Variants in FOXP1 observed in about 807,000 individuals in gnomAD.
FOXP1 encodes forkhead box protein P1.
A neutral mutation model predicts 98.2 loss-of-function variants in FOXP1; 15 were observed. The observed-to-expected ratio is 0.15, with a 90% confidence interval of 0.10 to 0.24. The LOEUF is 0.24. Among genes scored for constraint, FOXP1 ranks in the 10% least tolerant of loss-of-function variants. The pLI is 1.00. For synonymous variants in FOXP1, 371 were observed against 314.5 expected (o/e 1.18, Z -1.90); for missense variants, 633 against 848.5 (o/e 0.75, Z 3.15).
At chr3:71,352,228 G>T (rs192319800) in intron 4 of FOXP1, among the ~76,000 whole-genome samples, 213 of 152,228 alleles carry the variant, frequency 1.4e-3, no homozygotes, top group African/African-American at 5.0e-3. Flanking sequence ...CACTTTGGGA[G>T]GCTGAAGGGG....
intron 3 of FOXP1, among the ~76,000 whole-genome samples, chr3:71,435,919 G>A (rs1274152698): frequency 2.1e-4 from 15 of 72,654 alleles, no homozygotes; most frequent in African/African-American, 8.1e-4. Context: ...GAGGGAGGGA[G>A]GAAGGGACGG....
chr3:70,959,334 C>T lies in FOXP1; in HGVS notation c.1947G>A (p.Leu649=), dbSNP rs2032628863. The T allele has an allele frequency of 1.2e-6, 2 of 1,614,102 alleles. No homozygotes were observed. Among genetic ancestry groups the T allele is most frequent in the Non-Finnish European group, 1.7e-6 (2 of 1,180,022 alleles). The change falls in exon 21 of 21, where the codon CTG becomes CTA. Residue 649 remains leucine, a synonymous_variant. Coordinates refer to ENST00000649528, the MANE Select transcript of FOXP1 (RefSeq NM_001349338.3). ...PLDPEEAEGP[L]SLVTTANHSP... Reference sequence around the variant, plus strand: ...TGTGGTTGGCTGTTGTCACTAAGGACAGGGGCCCTTCAGCTTCCTCTGGAT... The same window carrying T: ...TGTGGTTGGCTGTTGTCACTAAGGATAGGGGCCCTTCAGCTTCCTCTGGAT...
At chr3:70,986,162 T>C (rs2039697421) in intron 14 of FOXP1, among the ~76,000 whole-genome samples, 1 of 152,168 alleles carries the variant, frequency 6.6e-6, no homozygotes, top group South Asian at 2.1e-4. Context: ...CCTGTTCACT[T>C]CCCCCCATGC....
chr3:71,434,842 G>A (rs1478910130), intron 3 of FOXP1, among the ~76,000 whole-genome samples: 2 of 152,014 alleles, frequency 1.3e-5, no homozygotes, highest in Non-Finnish European at 2.9e-5. Flanking sequence ...ATACACACAT[G>A]CCTGCACACA....
At chr3:71,357,922 T>C (rs539022424) in intron 4 of FOXP1, among the ~76,000 whole-genome samples, 33 of 152,236 alleles carry the variant, frequency 2.2e-4, no homozygotes, top group African/African-American at 7.9e-4. Flanking sequence ...TGAAAACATA[T>C]CTAAAGATGA....
chr3:71,124,678 A>G (rs1271727592), intron 6 of FOXP1, among the ~76,000 whole-genome samples: 2 of 151,818 alleles, frequency 1.3e-5, no homozygotes, highest in Non-Finnish European at 2.9e-5. Context: ...GAAACATAAG[A>G]CCAGAGAGGA....
chr3:71,352,009 A>G (rs576116574), intron 4 of FOXP1, among the ~76,000 whole-genome samples: 1 of 152,298 alleles, frequency 6.6e-6, no homozygotes, highest in East Asian at 1.9e-4. Flanking sequence ...GCATTTGAAG[A>G]AGTCTAGTAA....
chr3:71,366,597 T>G (rs764459998), intron 3 of FOXP1, among the ~76,000 whole-genome samples: 59 of 152,190 alleles, frequency 3.9e-4, no homozygotes, highest in Admixed American at 5.2e-4. Context: ...CCAAGTAATA[T>G]CCAAAATACC....
At chr3:71,002,706 C>A (rs897028451) in intron 12 of FOXP1, among the ~76,000 whole-genome samples, 2 of 152,144 alleles carry the variant, frequency 1.3e-5, no homozygotes, top group African/African-American at 4.8e-5. Context: ...AAAGAGCCCA[C>A]GATCCTCAAA....
chr3:71,312,218 G>A (rs980022806), intron 4 of FOXP1, among the ~76,000 whole-genome samples: 6 of 152,146 alleles, frequency 3.9e-5, no homozygotes, highest in African/African-American at 1.2e-4. Context: ...AAACAAGAAC[G>A]GCTGAACAAG....
At chr3:71,394,910 G>C (rs576566838) in intron 3 of FOXP1, among the ~76,000 whole-genome samples, 1 of 152,128 alleles carries the variant, frequency 6.6e-6, no homozygotes, top group African/African-American at 2.4e-5. Flanking sequence ...AGACCAGCCT[G>C]ACCAACATGG....
chr3:70,973,050 A>C (rs944028258), intron 17 of FOXP1, among the ~76,000 whole-genome samples: 2 of 152,172 alleles, frequency 1.3e-5, no homozygotes, highest in Non-Finnish European at 2.9e-5. Flanking sequence ...CTCCCATAAA[A>C]AGGGGGTATT....
intron 13 of FOXP1, among the ~76,000 whole-genome samples, chr3:70,994,592 C>G (rs968950601): frequency 1.3e-5 from 2 of 152,190 alleles, no homozygotes; most frequent in Admixed American, 6.5e-5. Flanking sequence ...TCTTACCCTA[C>G]TAGGTTGTGT....
intron 3 of FOXP1, among the ~76,000 whole-genome samples, chr3:71,479,477 A>C (rs551985975): frequency 2.0e-5 from 3 of 152,124 alleles, no homozygotes; most frequent in Non-Finnish European, 4.4e-5. Flanking sequence ...TCAGGAGTTC[A>C]AGACCATCCT....
At chr3:71,211,780 G>C (rs1163546383) in intron 5 of FOXP1, among the ~76,000 whole-genome samples, 1 of 152,072 alleles carries the variant, frequency 6.6e-6, no homozygotes, top group Non-Finnish European at 1.5e-5. Flanking sequence ...GTGGACACCG[G>C]AGCTAGTTTC....
chr3:70,965,562 A>G (rs752881471), intron 20 of FOXP1, among the ~76,000 whole-genome samples: 1 of 152,186 alleles, frequency 6.6e-6, no homozygotes, highest in Non-Finnish European at 1.5e-5. Flanking sequence ...CAAACTGCAA[A>G]CTTTTTCATA....
chr3:71,046,951 G>C lies in FOXP1; in HGVS notation c.655C>G (p.Leu219Val). The C allele has an allele frequency of 6.2e-7, 1 of 1,614,058 alleles. No homozygotes were observed. The highest frequency in any genetic ancestry group is 8.5e-7 in the Non-Finnish European group (1 of 1,179,952). The change falls in exon 10 of 21, where the codon CTT becomes GTT. Residue 219 changes from leucine (L) to valine (V), a missense_variant. Transcript: ENST00000649528. ...PGQPALPLQP[L>V]AQGMIPTELQ... Reference sequence around the variant, plus strand: ...TAAAATCAACGCATACCTTGAGCAAGAGGTTGAAGGGGAAGGGCAGGCTGC... The same window carrying C: ...TAAAATCAACGCATACCTTGAGCAACAGGTTGAAGGGGAAGGGCAGGCTGC...
chr3:71,334,825 C>T (rs1446042102), intron 4 of FOXP1: 1 of 152,162 alleles, frequency 6.6e-6, no homozygotes, highest in Non-Finnish European at 1.5e-5. Context: ...TGACTACAGA[C>T]ATTGACATAA....
intron 11 of FOXP1, among the ~76,000 whole-genome samples, chr3:71,023,240 C>T (rs75324353): frequency 0.016 from 2,458 of 152,284 alleles, 30 homozygotes; most frequent in Non-Finnish European, 0.023. Flanking sequence ...GTCTGTTATC[C>T]TTCCAAATTA....
Sources: allele counts gnomAD v4.1 joint callset (sites outside exome capture counted in the v4.1 genomes callset), GRCh38; gene constraint gnomAD v4.1.1; transcripts MANE v1.5; gene names NCBI Gene and HGNC (gene_info 2026-07-23, HGNC 2026-07-21).